ETS1: variants seen among roughly 807,000 people sequenced by gnomAD.
The protein encoded by ETS1 is protein C-ets-1.
A neutral mutation model predicts 58.6 loss-of-function variants in ETS1; 15 were observed. That is an observed-to-expected ratio of 0.26 (90% CI 0.17 to 0.39). ETS1 has a LOEUF of 0.39. Ranked by LOEUF, ETS1 falls within the 10% of genes least tolerant of loss-of-function variation. The probability of loss-of-function intolerance (pLI) is 1.00; values close to 1 mark genes in which losing one functional copy is unlikely to be tolerated. For synonymous variants in ETS1, 214 were observed against 218.2 expected (o/e 0.98, Z 0.17); for missense variants, 417 against 610.5 (o/e 0.68, Z 3.34).
chr11:128,486,653 T>C (rs760923693), intron 5 of ETS1, among the ~76,000 whole-genome samples: 1 of 152,220 alleles, frequency 6.6e-6, no homozygotes, highest in Non-Finnish European at 1.5e-5. Flanking sequence ...GCCCTCAGGT[T>C]TCAAGTTCAG....
intron 2 of ETS1, among the ~76,000 whole-genome samples, chr11:128,557,917 A>G (rs536025185): frequency 1.3e-5 from 2 of 152,360 alleles, no homozygotes; most frequent in East Asian, 1.9e-4. Flanking sequence ...TGTTAGATTC[A>G]GTTGCCCACT....
chr11:128,507,876 T>G (rs1236300206), intron 3 of ETS1, among the ~76,000 whole-genome samples: 1 of 152,198 alleles, frequency 6.6e-6, no homozygotes, highest in Non-Finnish European at 1.5e-5. Context: ...AAACCTTGAA[T>G]GGCTGGGTCA....
rs1400575105 is a variant in ETS1 at position 128,458,856 on chromosome 11, G to T, written c.*3505C>A. ...TATATAAAAAACTCTCCAGCAAAAT[G>T]ATGTGCCAGCATCAGCTACTAAAAT... On this transcript the variant is annotated 3_prime_UTR_variant, in exon 10 of 10. Transcript: ENST00000392668. The surrounding 1 kb of genome is among the most constrained non-coding windows in gnomAD (Gnocchi z 4.3). 1 of 152,588 alleles carries T rather than the reference G, an allele frequency of 6.6e-6. No homozygotes were observed. The highest frequency in any genetic ancestry group is 1.5e-5 in the Non-Finnish European group (1 of 68,014). 9.5% of individuals were successfully genotyped at this position (152,588 alleles called of 1,614,324 possible). A position where few individuals can be genotyped will look rare whatever the true frequency, so the allele number is the denominator to read the frequency against.
chr11:128,506,147 T>C (rs2135490283), intron 3 of ETS1, among the ~76,000 whole-genome samples: 1 of 152,280 alleles, frequency 6.6e-6, no homozygotes, highest in African/African-American at 2.4e-5. Flanking sequence ...TACTGACTGC[T>C]CATGAGCATG....
intron 8 of ETS1, among the ~76,000 whole-genome samples, chr11:128,476,761 C>G (rs180811666): frequency 2.4e-3 from 365 of 152,292 alleles, no homozygotes; most frequent in Middle Eastern, 6.8e-3. Context: ...AATGTATCTT[C>G]GAACAAAAGA....
chr11:128,484,719 A>G (rs1862577821), intron 7 of ETS1, 104 bp downstream of exon 7: 1 of 1,010,694 alleles, frequency 9.9e-7, no homozygotes. Flanking sequence ...TGAGGAATCT[A>G]CAGGTCTAAT....
chr11:128,505,943 C>T (rs1863217764), intron 3 of ETS1, among the ~76,000 whole-genome samples: 1 of 152,178 alleles, frequency 6.6e-6, no homozygotes. Context: ...TAGCTCACTA[C>T]ACAGTGGAGC....
intron 1 of ETS1, among the ~76,000 whole-genome samples, chr11:128,576,731 A>C (rs1338389218): frequency 2.1e-5 from 3 of 141,594 alleles, no homozygotes; most frequent in African/African-American, 5.4e-5. Flanking sequence ...TGACCCCTGC[A>C]CCCTCCACTG....
At position 128,463,159 on chromosome 11, in the gene ETS1, C is replaced by T. The variant is rs1861948138; in HGVS notation, c.1242+350G>A. ...AAATAAGAAACTAATGAGCCAATCTCCCAAGGCCTCTTGAACTGTCTGGCC... is the reference window on the plus strand; with the variant it reads ...AAATAAGAAACTAATGAGCCAATCTTCCAAGGCCTCTTGAACTGTCTGGCC... On this transcript the variant is annotated intron_variant, in intron 9 of 9. Transcript: ENST00000392668. The surrounding 1 kb of genome is among the most constrained non-coding windows in gnomAD (Gnocchi z 4.1). Among the ~76,000 whole-genome samples the T allele has an allele frequency of 6.6e-6, 1 of 152,218 alleles. No homozygotes were observed. Among genetic ancestry groups the T allele is most frequent in the African/African-American group, 2.4e-5 (1 of 41,454 alleles).
At chr11:128,480,502 A>G (rs1290184668) in intron 7 of ETS1, 51 bp from the exon 8 acceptor site, 28 of 891,700 alleles carry the variant, frequency 3.1e-5, no homozygotes, top group Admixed American at 7.9e-5. Context: ...AGGGAGTGGG[A>G]AAAAAAAAAA....
Position 128,567,886 on chromosome 11 carries a change from G to A in ETS1, c.69+5176C>T, listed in dbSNP as rs577083175. On this transcript the variant is annotated intron_variant, in intron 2 of 9. Transcript: ENST00000392668. ...TGACCTCAGGTAATCCACCTGTCTCGGCCTCCTAAAGTGCTGGGATTACAG... is the reference window on the plus strand; with the variant it reads ...TGACCTCAGGTAATCCACCTGTCTCAGCCTCCTAAAGTGCTGGGATTACAG... Among the ~76,000 whole-genome samples, 19 of 152,172 alleles carry A rather than the reference G, an allele frequency of 1.2e-4. No homozygotes were observed. The East Asian group carries it at 1.7e-3, about 14-fold the overall frequency.
chr11:128,563,060 C>A (rs1029995312), intron 2 of ETS1, among the ~76,000 whole-genome samples: 1 of 151,930 alleles, frequency 6.6e-6, no homozygotes, highest in African/African-American at 2.4e-5. Context: ...TCTATTCTTT[C>A]GGTCTTCTGT....
intron 3 of ETS1, among the ~76,000 whole-genome samples, chr11:128,510,239 C>A: frequency 6.6e-6 from 1 of 152,188 alleles, no homozygotes; most frequent in Non-Finnish European, 1.5e-5. Flanking sequence ...ACCAAAGACT[C>A]CAGAGTACTT....
intron 7 of ETS1, among the ~76,000 whole-genome samples, chr11:128,481,387 TTTCCA>T (rs1862480883): frequency 6.7e-6 from 1 of 149,852 alleles, no homozygotes; most frequent in East Asian, 1.9e-4. Context: ...CCTGGAGAAA[TTTCCA>T]TTGGCAAAAA....
At chr11:128,569,763 T>C (rs1362775064) in intron 2 of ETS1, among the ~76,000 whole-genome samples, 1 of 152,218 alleles carries the variant, frequency 6.6e-6, no homozygotes, top group Non-Finnish European at 1.5e-5. Context: ...CTTCTTTGCT[T>C]GCTCTGGAAG....
chr11:128,509,758 G>C (rs1484445121), intron 3 of ETS1, among the ~76,000 whole-genome samples: 1 of 152,012 alleles, frequency 6.6e-6, no homozygotes, highest in Non-Finnish European at 1.5e-5. Context: ...GTCTAAGTAG[G>C]AAGGCCTTGG....
chr11:128,522,106 C>CT, intron 3 of ETS1: 2 of 1,314,100 alleles, frequency 1.5e-6, no homozygotes, highest in Non-Finnish European at 2.0e-6. Context: ...ATCCGACTTT[C>CT]TTCCCAAAAA....
intron 7 of ETS1, among the ~76,000 whole-genome samples, 171 bp from the exon 8 acceptor site, chr11:128,480,622 T>C (rs953725892): frequency 2.0e-5 from 3 of 152,052 alleles, no homozygotes; most frequent in Admixed American, 2.0e-4. Context: ...GGGTTTACTC[T>C]GAGGAAAGGG....
At chr11:128,489,599 T>C (rs988728033) in intron 4 of ETS1, 109 bp from the exon 5 acceptor site, 1 of 834,626 alleles carries the variant, frequency 1.2e-6, no homozygotes, top group African/African-American at 1.7e-5. Flanking sequence ...GCTATCTTTA[T>C]TCATCGAATG....
Sources: gnomAD v4.1 joint callset for allele counts (sites outside exome capture counted in the v4.1 genomes callset) on GRCh38, gnomAD v4.1.1 for gene constraint, Gnocchi (gnomAD v3.1) non-coding constraint, MANE v1.5 for transcripts, NCBI Gene and HGNC (gene_info 2026-07-23, HGNC 2026-07-21) for gene names.